The following CNBD1 variants were observed in gnomAD, a reference collection of about 807,000 sequenced individuals.
CNBD1 encodes cyclic nucleotide-binding domain-containing protein 1.
A neutral mutation model predicts 54.4 loss-of-function variants in CNBD1; 71 were observed. That is an observed-to-expected ratio of 1.30 (90% CI 1.08 to 1.59). The LOEUF is 1.59. CNBD1 is among the 40% of genes most tolerant of loss of function. CNBD1 has a pLI of 0.00. For synonymous variants in CNBD1, 182 were observed against 170.7 expected, an observed-to-expected ratio of 1.07 and a Z score of -0.51; for missense variants, 659 against 518.0, an observed-to-expected ratio of 1.27 and a Z score of -2.64.
At chr8:87,333,342 T>C (rs1414562384) in intron 8 of CNBD1, among the ~76,000 whole-genome samples, 1 of 152,188 alleles carries the variant, frequency 6.6e-6, no homozygotes, top group African/African-American at 2.4e-5. Flanking sequence ...TTACTTCCTC[T>C]CTTTCTATTT....
At chr8:87,009,095 A>G (rs1045412320) in intron 4 of CNBD1, among the ~76,000 whole-genome samples, 1 of 151,596 alleles carries the variant, frequency 6.6e-6, no homozygotes, top group Non-Finnish European at 1.5e-5. Context: ...CGAGCTACAT[A>G]TTTTTTTATT....
chr8:87,292,642 G>GA (rs1440996150), intron 8 of CNBD1, among the ~76,000 whole-genome samples: 7 of 152,018 alleles, frequency 4.6e-5, no homozygotes, highest in African/African-American at 1.4e-4. Context: ...CCTCTTCCAA[G>GA]CACTTCTAAC....
chr8:87,359,999 G>T (rs58436112), intron 10 of CNBD1, among the ~76,000 whole-genome samples: 11,069 of 151,854 alleles, frequency 0.073, 512 homozygotes, highest in South Asian at 0.096. Context: ...AACTATAAAG[G>T]TATTACTGAA....
At chr8:87,058,706 G>A (rs1258382417) in intron 4 of CNBD1, among the ~76,000 whole-genome samples, 6 of 152,128 alleles carry the variant, frequency 3.9e-5, no homozygotes, top group Non-Finnish European at 8.8e-5. Context: ...CAGTCCCAAG[G>A]CTGCACGCAG....
intron 5 of CNBD1, among the ~76,000 whole-genome samples, chr8:87,212,057 C>A (rs1814110431): frequency 6.6e-6 from 1 of 151,730 alleles, no homozygotes; most frequent in South Asian, 2.1e-4. Context: ...AGAGCACAAG[C>A]AATGAACAGT....
At chr8:86,917,825 AG>A (rs1213265604) in intron 3 of CNBD1, among the ~76,000 whole-genome samples, 6 of 152,234 alleles carry the variant, frequency 3.9e-5, no homozygotes, top group African/African-American at 1.2e-4. Context: ...GTCCAGAAAA[AG>A]ATATGAAATT....
At chr8:87,065,854 T>A (rs1810637890) in intron 4 of CNBD1, among the ~76,000 whole-genome samples, 1 of 151,952 alleles carries the variant, frequency 6.6e-6, no homozygotes, top group African/African-American at 2.4e-5. Flanking sequence ...CAAACCCAGT[T>A]CACTGTAGCT....
chr8:86,962,928 G>A (rs1468685284), intron 4 of CNBD1, among the ~76,000 whole-genome samples: 1 of 152,126 alleles, frequency 6.6e-6, no homozygotes, highest in East Asian at 1.9e-4. Flanking sequence ...CCTGTGAAGG[G>A]GAAAAAGCTA....
intron 2 of CNBD1, among the ~76,000 whole-genome samples, chr8:87,396,951 G>A (rs556797267): frequency 6.9e-6 from 1 of 144,490 alleles, no homozygotes; most frequent in South Asian, 2.2e-4. Flanking sequence ...TGTAATTCAT[G>A]GATTAATCCC....
chr8:86,867,810 A>G (rs1342982569), intron 1 of CNBD1, among the ~76,000 whole-genome samples: 1 of 152,206 alleles, frequency 6.6e-6, no homozygotes, highest in Non-Finnish European at 1.5e-5. Flanking sequence ...ATTTAGAATC[A>G]ATGAGATGAG....
rs182429909 is a variant in CNBD1 at position 87,054,114 on chromosome 8, A to T, written c.431+114360A>T. Reference sequence around the variant, plus strand: ...CCAGATGTCTGATAGAAAGGTGCAGATGAGAGAAGAGTTGGGAAATTATAG... The same window carrying T: ...CCAGATGTCTGATAGAAAGGTGCAGTTGAGAGAAGAGTTGGGAAATTATAG... On this transcript the variant is annotated intron_variant, in intron 4 of 10. Transcript: ENST00000518476. Among the ~76,000 whole-genome samples the T allele has an allele frequency of 5.3e-5, 8 of 152,364 alleles. No individual in the cohort carries two copies. The East Asian group carries it at 1.5e-3, about 29-fold the overall frequency.
chr8:86,951,581 CAAAAAAAAAA>C (rs71275901), intron 4 of CNBD1, among the ~76,000 whole-genome samples: 31 of 37,354 alleles, frequency 8.3e-4, no homozygotes, highest in South Asian at 3.9e-3. Context: ...CTCCGTCTCA[CAAAAAAAAAA>C]AAAAAAAAAA....
chr8:86,907,965 T>C (rs1009542371), intron 3 of CNBD1, among the ~76,000 whole-genome samples: 2 of 152,350 alleles, frequency 1.3e-5, no homozygotes, highest in East Asian at 1.9e-4. Context: ...CCTGTTATCA[T>C]TGTCATATAT....
chr8:87,323,266 T>A (rs1290822566), intron 8 of CNBD1, among the ~76,000 whole-genome samples: 1 of 101,618 alleles, frequency 9.8e-6, no homozygotes, highest in Admixed American at 9.7e-5. Flanking sequence ...TCTTTTGGCT[T>A]AGGATTGACT....
chr8:87,375,084 A>G (rs1810897813), intron 10 of CNBD1, among the ~76,000 whole-genome samples: 1 of 151,944 alleles, frequency 6.6e-6, no homozygotes, highest in Non-Finnish European at 1.5e-5. Context: ...TATACAGTAC[A>G]TTTAGAAATG....
intron 4 of CNBD1, among the ~76,000 whole-genome samples, chr8:86,956,920 C>T (rs147293593): frequency 6.6e-6 from 1 of 152,088 alleles, no homozygotes; most frequent in Non-Finnish European, 1.5e-5. Flanking sequence ...TTTTCAAAGG[C>T]AATGCTTCCA....
intron 6 of CNBD1, among the ~76,000 whole-genome samples, chr8:87,247,819 A>G (rs577894242): frequency 6.6e-6 from 1 of 152,328 alleles, no homozygotes; most frequent in African/African-American, 2.4e-5. Flanking sequence ...CACATCCTGC[A>G]AAATGTTTTT....
intron 2 of CNBD1, among the ~76,000 whole-genome samples, chr8:87,413,664 C>G (rs1161565799): frequency 6.6e-6 from 1 of 151,810 alleles, no homozygotes; most frequent in East Asian, 1.9e-4. Flanking sequence ...TGAACTCAAA[C>G]AAATTTACAA....
chr8:86,994,755 C>T (rs1344489496), intron 4 of CNBD1, among the ~76,000 whole-genome samples: 5 of 152,080 alleles, frequency 3.3e-5, no homozygotes, highest in Non-Finnish European at 7.4e-5. Context: ...TCCGTCAACT[C>T]TCGGTGTTTT....
Sources: allele counts gnomAD v4.1 joint callset (sites outside exome capture counted in the v4.1 genomes callset), GRCh38; gene constraint gnomAD v4.1.1; transcripts MANE v1.5; gene names NCBI Gene and HGNC (gene_info 2026-07-23, HGNC 2026-07-21).